CNGA3: variants seen among roughly 807,000 people sequenced by gnomAD.
The protein encoded by CNGA3 is cyclic nucleotide gated channel subunit alpha 3, also known as cyclic nucleotide-gated channel alpha-3.
In CNGA3, 42 loss-of-function variants were observed where a neutral mutation model predicts 46.6. The observed-to-expected ratio is 0.90, with a 90% CI of 0.70 to 1.17. CNGA3 has a LOEUF of 1.17. Among genes scored for constraint, CNGA3 ranks in the 50% most tolerant of loss-of-function variants. The probability of loss-of-function intolerance (pLI) is 0.00; values close to 1 mark genes in which losing one functional copy is unlikely to be tolerated. For missense variants in CNGA3, 893 were observed against 890.7 expected (o/e 1.00, Z -0.03); for synonymous variants, 394 against 369.4 (o/e 1.07, Z -0.76).
At chr2:98,388,422 G>A (rs1490950052) in intron 5 of CNGA3, among the ~76,000 whole-genome samples, 1 of 152,130 alleles carries the variant, frequency 6.6e-6, no homozygotes, top group African/African-American at 2.4e-5. Flanking sequence ...TGGGTATCTT[G>A]GAGCAACGCT....
At chr2:98,376,788 C>G (rs569967602) in intron 2 of CNGA3, among the ~76,000 whole-genome samples, 1 of 152,340 alleles carries the variant, frequency 6.6e-6, no homozygotes, top group South Asian at 2.1e-4. Context: ...GTGCAAATCC[C>G]TAGAGGCTAA....
intron 3 of CNGA3, among the ~76,000 whole-genome samples, chr2:98,379,130 G>A (rs951606462): frequency 7.2e-5 from 11 of 152,236 alleles, no homozygotes; most frequent in Non-Finnish European, 1.5e-4. Context: ...TACAGGAATT[G>A]TCTGCGGCAG....
At chr2:98,363,941 G>A (rs1395264026) in intron 1 of CNGA3, among the ~76,000 whole-genome samples, 1 of 152,132 alleles carries the variant, frequency 6.6e-6, no homozygotes, top group Non-Finnish European at 1.5e-5. Context: ...CTCTTTGTAG[G>A]TCTCCAAGAA....
chr2:98,370,721 T>C (rs902882364), intron 2 of CNGA3, among the ~76,000 whole-genome samples: 3 of 152,244 alleles, frequency 2.0e-5, no homozygotes, highest in Non-Finnish European at 2.9e-5. Context: ...CCTCAATTTC[T>C]TCACAATGAA....
chr2:98,380,139 C>T (rs1692502810), intron 3 of CNGA3, 36 bp from the exon 4 acceptor site: 2 of 1,612,352 alleles, frequency 1.2e-6, no homozygotes, highest in African/African-American at 1.3e-5. Context: ...GGGGCTTTTC[C>T]TCTCCCTCTG....
At chr2:98,376,362 G>A (rs1475391027) in intron 2 of CNGA3, among the ~76,000 whole-genome samples, 1 of 152,134 alleles carries the variant, frequency 6.6e-6, no homozygotes, top group African/African-American at 2.4e-5. Context: ...TGAGCTGGGG[G>A]TTCTGGCCTG....
chr2:98,378,112 C>A, intron 3 of CNGA3: 2 of 1,550,836 alleles, frequency 1.3e-6, no homozygotes, highest in Non-Finnish European at 1.7e-6. Flanking sequence ...GAGCAGCCAG[C>A]CGTGGGAGAC....
intron 1 of CNGA3, among the ~76,000 whole-genome samples, chr2:98,368,995 G>A (rs938086618): frequency 2.0e-5 from 3 of 152,194 alleles, no homozygotes; most frequent in African/African-American, 7.2e-5. Flanking sequence ...CAGTAACTGG[G>A]GAAGTTGCGA....
At chr2:98,367,417 A>G (rs573512277) in intron 1 of CNGA3, among the ~76,000 whole-genome samples, 20 of 151,710 alleles carry the variant, frequency 1.3e-4, no homozygotes, top group South Asian at 4.2e-4. Flanking sequence ...GATGGTCTCA[A>G]TCTCCTAACC....
At position 98,380,315 on chromosome 2, in the gene CNGA3, C is replaced by A. The variant is rs1692509946; in HGVS notation, c.356C>A (p.Ala119Glu). Residue 119 changes from alanine to glutamate, a missense_variant, in exon 4 of 8, where the codon GCA becomes GAA. Ala to Glu is a moderately radical substitution (Grantham distance 107). Coordinates refer to ENST00000272602, the MANE Select transcript of CNGA3 (RefSeq NM_001298.3). Reference sequence around the variant, plus strand: ...TCCAGCCAAGAAAGCAATGCCCAGGCAAATGTGGGCAGCCAGGAGCCAGCA... The same window carrying A: ...TCCAGCCAAGAAAGCAATGCCCAGGAAAATGTGGGCAGCCAGGAGCCAGCA... Reference protein sequence around the residue: ...EVSSQESNAQANVGSQEPADR... With the variant: ...EVSSQESNAQENVGSQEPADR... 4.3e-6 allele frequency: 7 copies of A among 1,614,152 alleles called. No homozygotes were observed. The highest frequency in any genetic ancestry group is 5.9e-6 in the Non-Finnish European group (7 of 1,180,028).
chr2:98,382,709 G>A (rs1318628623), intron 4 of CNGA3, among the ~76,000 whole-genome samples: 1 of 152,188 alleles, frequency 6.6e-6, no homozygotes, highest in African/African-American at 2.4e-5. Context: ...ATGAAGTACT[G>A]CAAAATTCAA....
chr2:98,369,490 T>A (rs1329476936), intron 1 of CNGA3, among the ~76,000 whole-genome samples: 1 of 152,342 alleles, frequency 6.6e-6, no homozygotes, highest in Admixed American at 6.5e-5. Flanking sequence ...ATATGGTCCT[T>A]TTTTTACATG....
intron 5 of CNGA3, among the ~76,000 whole-genome samples, chr2:98,384,570 G>A (rs568890629): frequency 6.6e-6 from 1 of 152,290 alleles, no homozygotes; most frequent in South Asian, 2.1e-4. Context: ...CAAATCCAGA[G>A]ACCCAAATGC....
chr2:98,389,806 A>T (rs774013582), intron 6 of CNGA3, 32 bp downstream of exon 6: 2 of 1,581,248 alleles, frequency 1.3e-6, no homozygotes, highest in East Asian at 4.5e-5. Context: ...TGCAGCGGAA[A>T]GGGGGAAACC....
Position 98,383,304 on chromosome 2 carries a change from G to T in CNGA3, c.396-84G>T, listed in dbSNP as rs7562788. The stretch of plus-strand genomic sequence containing the variant: ...AGCAGTGGGATAGGGATTGGGGGGT[G>T]GGGCATGGTAATCCCCTGGTGAAAT... On this transcript the variant is annotated intron_variant, in intron 4 of 7. Transcript: ENST00000272602. The T allele has an allele frequency of 0.017, 21,052 of 1,270,034 alleles. 973 individuals carry two copies. The highest frequency in any genetic ancestry group is 0.16 in the African/African-American group (10,918 of 68,290). 78.7% of individuals were successfully genotyped at this position (1,270,034 alleles called of 1,614,324 possible).
intron 1 of CNGA3, among the ~76,000 whole-genome samples, chr2:98,353,194 C>T (rs190930090): frequency 8.5e-5 from 13 of 152,224 alleles, no homozygotes; most frequent in South Asian, 2.1e-4. Context: ...TAGAAGTGGA[C>T]GTGTACAGTT....
At position 98,377,782 on chromosome 2, in the gene CNGA3, C is replaced by G. The variant is rs1692441975; in HGVS notation, c.197C>G (p.Thr66Ser). The G allele has an allele frequency of 6.2e-7, 1 of 1,611,480 alleles. No individual in the cohort carries two copies. Residue 66 changes from threonine (T) to serine (S), a missense_variant, in exon 3 of 8, where the codon ACC becomes AGC. This residue lies in a region of CNGA3 where 333 missense variants were observed against 290.8 expected (regional missense o/e 1.15). Coordinates refer to ENST00000272602, the MANE Select transcript of CNGA3 (RefSeq NM_001298.3). Reference protein sequence around the residue: ...GLADSGQGSFTGQGIARLSRL... With the variant: ...GLADSGQGSFSGQGIARLSRL... Reference sequence around the variant, plus strand: ...GCTGACTCCGGGCAGGGCTCCTTCACCGGCCAGGGGATCGCCAGGTAACTG... The same window carrying G: ...GCTGACTCCGGGCAGGGCTCCTTCAGCGGCCAGGGGATCGCCAGGTAACTG...
chr2:98,393,885 C>T (rs1692848647), intron 7 of CNGA3, among the ~76,000 whole-genome samples: 1 of 151,782 alleles, frequency 6.6e-6, no homozygotes, highest in Admixed American at 6.6e-5. Context: ...ATGATCAAGG[C>T]CCTCAGTAAC....
chr2:98,364,589 T>C (rs1453343366), intron 1 of CNGA3, among the ~76,000 whole-genome samples: 2 of 152,208 alleles, frequency 1.3e-5, no homozygotes, highest in Admixed American at 6.5e-5. Flanking sequence ...CTGTGTCTTT[T>C]AATCAGGACA....
Sources: allele counts gnomAD v4.1 joint callset (sites outside exome capture counted in the v4.1 genomes callset), GRCh38; gene constraint gnomAD v4.1.1; regional missense constraint gnomAD v4.1.1; transcripts MANE v1.5; gene names NCBI Gene and HGNC (gene_info 2026-07-23, HGNC 2026-07-21).